Variants in ITPR1 observed in about 807,000 individuals in gnomAD.
The protein encoded by ITPR1 is inositol 1,4,5-trisphosphate-gated calcium channel ITPR1.
ITPR1 carries 96 observed loss-of-function variants against 318.4 expected under a neutral mutation model. The observed-to-expected ratio is 0.30, with a 90% CI of 0.26 to 0.36. The LOEUF (loss-of-function observed/expected upper bound fraction) is 0.36, where lower values mean the gene tolerates loss of function less well. Among genes scored for constraint, ITPR1 ranks in the 10% least tolerant of loss-of-function variants. The probability of loss-of-function intolerance (pLI) is 1.00; values close to 1 mark genes in which losing one functional copy is unlikely to be tolerated. For missense variants in ITPR1, 2,440 were observed against 3,460.2 expected (o/e 0.71, Z 7.40); for synonymous variants, 1,312 against 1,289.9 (o/e 1.02, Z -0.37).
intron 2 of ITPR1, among the ~76,000 whole-genome samples, chr3:4,503,082 C>T (rs2081145393): frequency 6.6e-6 from 1 of 151,968 alleles, no homozygotes; most frequent in Admixed American, 6.6e-5. Context: ...GAGACTCCAT[C>T]TCAATAAAAA....
At chr3:4,628,748 G>A (rs1322573732) in intron 5 of ITPR1, among the ~76,000 whole-genome samples, 1 of 152,154 alleles carries the variant, frequency 6.6e-6, no homozygotes. Flanking sequence ...AGTGGGCTTT[G>A]TGTCTACAAC....
At chr3:4,619,602 TCTCCTCTGCC>T (rs1424843199) in intron 4 of ITPR1, among the ~76,000 whole-genome samples, 3 of 33,014 alleles carry the variant, frequency 9.1e-5, no homozygotes, top group Admixed American at 4.8e-4. Flanking sequence ...CCTCCCCTGC[TCTCCTCTGCC>T]CTCCCCTGCT....
chr3:4,537,377 G>T (rs2083971017), intron 4 of ITPR1, among the ~76,000 whole-genome samples: 3 of 152,176 alleles, frequency 2.0e-5, no homozygotes, highest in Non-Finnish European at 2.9e-5. Flanking sequence ...ATTTACCCAT[G>T]TCATCTAAGT....
intron 47 of ITPR1, 126 bp downstream of exon 47, chr3:4,775,568 G>A: frequency 1.5e-6 from 1 of 682,632 alleles, no homozygotes; most frequent in Non-Finnish European, 2.5e-6. Context: ...ACAGGAGGCT[G>A]TCTTCCAGCA....
chr3:4,788,847 G>A (rs895196188), intron 52 of ITPR1, among the ~76,000 whole-genome samples: 1 of 152,196 alleles, frequency 6.6e-6, no homozygotes, highest in South Asian at 2.1e-4. Flanking sequence ...TCAGGAGCCA[G>A]ACTTTTTTAT....
At chr3:4,542,520 A>G (rs1414181863) in intron 4 of ITPR1, among the ~76,000 whole-genome samples, 1 of 152,242 alleles carries the variant, frequency 6.6e-6, no homozygotes, top group East Asian at 1.9e-4. Flanking sequence ...AATTAGGGTG[A>G]CAAACGAGTA....
At position 4,836,903 on chromosome 3, in the gene ITPR1, C is replaced by G. The variant is rs1203168678; in HGVS notation, c.8158C>G (p.Leu2720Val). Reference sequence around the variant, plus strand: ...GTCCACCATGAAACTTGTCACGAACCTTTCTGGCCAGCTGTCGGAATTAAA... The same window carrying G: ...GTCCACCATGAAACTTGTCACGAACGTTTCTGGCCAGCTGTCGGAATTAAA... ...LESTMKLVTN[L>V]SGQLSELKDQ... is the part of the protein sequence containing the mutation. Residue 2720 changes from leucine to valine, a missense_variant, in exon 61 of 62, where the codon CTT (leucine) becomes GTT (valine). Physicochemically the swap from Leu to Val is conservative, Grantham distance 32 (BLOSUM62 1). Coordinates refer to ENST00000649015, the MANE Select transcript of ITPR1 (RefSeq NM_001378452.1). 6 of 1,595,128 alleles carry G rather than the reference C, an allele frequency of 3.8e-6. No individual in the cohort carries two copies. Among genetic ancestry groups the G allele is most frequent in the Non-Finnish European group, 5.1e-6 (6 of 1,166,438 alleles).
chr3:4,780,537 T>C (rs2046761041), intron 49 of ITPR1, among the ~76,000 whole-genome samples: 1 of 152,174 alleles, frequency 6.6e-6, no homozygotes, highest in African/African-American at 2.4e-5. Context: ...TTTGGACTCT[T>C]TTTCCACGCT....
chr3:4,772,251 G>A (rs1161909739), intron 46 of ITPR1, among the ~76,000 whole-genome samples: 2 of 152,264 alleles, frequency 1.3e-5, no homozygotes, highest in African/African-American at 2.4e-5. Context: ...ATTCTCATAA[G>A]GAGAGAGTGT....
intron 4 of ITPR1, among the ~76,000 whole-genome samples, chr3:4,590,300 C>A (rs750341890): frequency 2.5e-4 from 38 of 151,300 alleles, no homozygotes; most frequent in African/African-American, 9.0e-4. Context: ...AGGACAGAGA[C>A]CTTATCTGTC....
intron 4 of ITPR1, among the ~76,000 whole-genome samples, chr3:4,580,373 C>T (rs950439262): frequency 8.5e-5 from 13 of 152,184 alleles, no homozygotes; most frequent in Non-Finnish European, 2.9e-5. Flanking sequence ...TGGTTTTTAA[C>T]TCATCCAGCC....
intron 36 of ITPR1, among the ~76,000 whole-genome samples, chr3:4,705,051 G>A (rs2094728552): frequency 2.6e-5 from 4 of 151,816 alleles, no homozygotes; most frequent in Admixed American, 2.6e-4. Flanking sequence ...TTTTTAAATG[G>A]GATTTAAATA....
chr3:4,800,158 G>A (rs1371863668), intron 53 of ITPR1: 1 of 464,906 alleles, frequency 2.2e-6, no homozygotes, highest in Non-Finnish European at 3.8e-6. Context: ...ATTGGGGGAG[G>A]CTTCCTGGAA....
intron 44 of ITPR1, among the ~76,000 whole-genome samples, chr3:4,746,056 C>T (rs921529053): frequency 3.9e-5 from 6 of 152,204 alleles, no homozygotes; most frequent in South Asian, 2.1e-4. Context: ...GGAGGAGCAG[C>T]GGTTTGAAAC....
intron 4 of ITPR1, among the ~76,000 whole-genome samples, chr3:4,626,380 G>T (rs2092828749): frequency 6.6e-6 from 1 of 152,092 alleles, no homozygotes; most frequent in Admixed American, 6.6e-5. Flanking sequence ...ATGCTTTAGG[G>T]TAATGTTCAT....
chr3:4,566,643 C>CACAG (rs1553626570), intron 4 of ITPR1, among the ~76,000 whole-genome samples: 1 of 150,790 alleles, frequency 6.6e-6, no homozygotes. Flanking sequence ...CACACACACA[C>CACAG]TGAAACACTC....
rs1224222337 is a variant in ITPR1 at position 4,526,772 on chromosome 3, T to C, written c.163+5678T>C. ...TAAATGTCACTTCTTAGAATGATTA[T>C]CATTCATTTCACAAACACTTATTGG... On this transcript the variant is annotated intron_variant, in intron 4 of 61. Coordinates refer to ENST00000649015, the MANE Select transcript of ITPR1 (RefSeq NM_001378452.1). Among the ~76,000 whole-genome samples, 4 of 152,238 alleles carry C rather than the reference T, an allele frequency of 2.6e-5. No individual in the cohort carries two copies. The South Asian group carries it at 8.3e-4, about 31-fold the overall frequency.
chr3:4,638,448 G>A (rs1299977871), intron 5 of ITPR1, among the ~76,000 whole-genome samples: 1 of 152,158 alleles, frequency 6.6e-6, no homozygotes, highest in Non-Finnish European at 1.5e-5. Flanking sequence ...ATTCGGGAAG[G>A]TGGCCCTGCC....
At chr3:4,613,482 G>A (rs2092250590) in intron 4 of ITPR1, among the ~76,000 whole-genome samples, 1 of 152,100 alleles carries the variant, frequency 6.6e-6, no homozygotes, top group South Asian at 2.1e-4. Flanking sequence ...TCCCTCTGTT[G>A]CTGCTCCTCT....
Sources: gnomAD v4.1 joint callset for allele counts (sites outside exome capture counted in the v4.1 genomes callset) on GRCh38, gnomAD v4.1.1 for gene constraint, MANE v1.5 for transcripts, NCBI Gene and HGNC (gene_info 2026-07-23, HGNC 2026-07-21) for gene names.